LAMB1: variants seen among roughly 807,000 people sequenced by gnomAD.
The protein encoded by LAMB1 is laminin subunit beta-1.
In LAMB1, 121 loss-of-function variants were observed where a neutral mutation model predicts 222.3. The ratio of observed to expected loss-of-function variants is 0.54; its 90% CI spans 0.47 to 0.63. The LOEUF is 0.63. Ranked by LOEUF, LAMB1 falls within the 30% of genes least tolerant of loss-of-function variation. The pLI is 0.00. For synonymous variants in LAMB1, 794 were observed against 807.2 expected (o/e 0.98, Z 0.28); for missense variants, 2,172 against 2,240.8 (o/e 0.97, Z 0.62).
chr7:107,948,555 G>A (rs1041577719), intron 24 of LAMB1, among the ~76,000 whole-genome samples: 2 of 152,120 alleles, frequency 1.3e-5, no homozygotes, highest in East Asian at 1.9e-4. Context: ...ACTTTTTCTT[G>A]CTGGTGTGAG....
At chr7:107,924,186 G>A (rs2116300626) in intron 33 of LAMB1, 44 bp downstream of exon 33, 1 of 1,557,950 alleles carries the variant, frequency 6.4e-7, no homozygotes, top group Non-Finnish European at 8.6e-7. Flanking sequence ...AACTATGGAT[G>A]CCTTAAAGTA....
chr7:107,995,540 C>T (rs982018665), intron 4 of LAMB1, among the ~76,000 whole-genome samples: 1 of 152,198 alleles, frequency 6.6e-6, no homozygotes, highest in Non-Finnish European at 1.5e-5. Context: ...TGAAAAACAA[C>T]GCCAGAGAAA....
intron 25 of LAMB1, among the ~76,000 whole-genome samples, chr7:107,937,610 G>C (rs1203057027): frequency 6.6e-6 from 1 of 152,136 alleles, no homozygotes; most frequent in East Asian, 1.9e-4. Context: ...GCAGCTTCAA[G>C]CCCTTACAAT....
chr7:107,959,799 C>G lies in LAMB1; in HGVS notation c.2350G>C (p.Val784Leu). ...ECDPQGSLSS[V>L]CDPNGGQCQC... is the part of the protein sequence containing the mutation. ...CACTGGCCTCCGTTGGGATCACACA[C>G]GGAACTTAACGAACCCTGAGGGTCG... Residue 784 changes from valine (V) to leucine (L), a missense_variant, in exon 19 of 34, where the codon GTG (valine) becomes CTG (leucine). Transcript: ENST00000222399. 6.2e-7 allele frequency: 1 copy of G among 1,613,806 alleles called. No homozygotes were observed. Among genetic ancestry groups the G allele is most frequent in the Non-Finnish European group, 8.5e-7 (1 of 1,179,906 alleles).
At chr7:107,976,181 G>A (rs752983610) in intron 9 of LAMB1, among the ~76,000 whole-genome samples, 4 of 152,248 alleles carry the variant, frequency 2.6e-5, no homozygotes, top group Admixed American at 1.3e-4. Flanking sequence ...GTATGACAGA[G>A]GATGGCTGCC....
chr7:107,924,535 A>G lies in LAMB1; in HGVS notation c.5065-146T>C, dbSNP rs540601075. On this transcript the variant is annotated intron_variant, in intron 32 of 33. Coordinates refer to ENST00000222399, the MANE Select transcript of LAMB1 (RefSeq NM_002291.3). ...TAAGTAATTTAAAATTTTATCTTCAAACAGTGGAATTGAATGCAAAATTGA... is the reference window on the plus strand; with the variant it reads ...TAAGTAATTTAAAATTTTATCTTCAGACAGTGGAATTGAATGCAAAATTGA... The G allele has an allele frequency of 1.6e-4, 98 of 597,622 alleles. 1 individual carries two copies. Among genetic ancestry groups the G allele is most frequent in the Non-Finnish European group, 2.4e-4 (92 of 376,338 alleles). 37.0% of individuals were successfully genotyped at this position (597,622 alleles called of 1,614,324 possible).
intron 25 of LAMB1, among the ~76,000 whole-genome samples, chr7:107,939,179 G>C (rs368635195): frequency 6.6e-6 from 1 of 152,132 alleles, no homozygotes; most frequent in Non-Finnish European, 1.5e-5. Context: ...TTAGCACTTA[G>C]GTCTTATTGT....
Position 107,975,369 on chromosome 7 carries a change from C to T in LAMB1, c.1234G>A (p.Asp412Asn). The T allele has an allele frequency of 6.2e-7, 1 of 1,613,392 alleles. No individual in the cohort carries two copies. The highest frequency in any genetic ancestry group is 8.5e-7 in the Non-Finnish European group (1 of 1,179,836). Residue 412 changes from aspartate to asparagine, a missense_variant, in exon 11 of 34, where the codon GAC becomes AAC. Physicochemically the swap from Asp to Asn is conservative, Grantham distance 23 (BLOSUM62 1). Transcript: ENST00000222399. ...PAGSQNEGIC[D>N]SYTDFSTGLI... ...CCAGTAGAAAAATCAGTATAGCTGT[C>T]ACAAATTCCCTCATTTTGAGAGCCA...
chr7:107,940,349 C>T lies in LAMB1; in HGVS notation c.3401G>A (p.Cys1134Tyr), dbSNP rs772074967. The T allele has an allele frequency of 6.8e-6, 11 of 1,613,064 alleles. No homozygotes were observed. In the Admixed American group the frequency reaches 1.2e-4, roughly 17 times the overall value. Residue 1134 changes from cysteine (C) to tyrosine (Y), a missense_variant, in exon 25 of 34, where the codon TGT becomes TAT. Cys to Tyr is a radical substitution (Grantham distance 194). Coordinates refer to ENST00000222399, the MANE Select transcript of LAMB1 (RefSeq NM_002291.3). Reference sequence around the variant, plus strand: ...TGGCGTCTCAATGCCCCTGGGGTCACAGTCACAGGCTAGAAGGGAATAAGC... The same window carrying T: ...TGGCGTCTCAATGCCCCTGGGGTCATAGTCACAGGCTAGAAGGGAATAAGC... ...DPDVECRACD[C>Y]DPRGIETPQC...
At chr7:107,936,994 ATTAGAAAACTT>A in intron 26 of LAMB1, 88 bp downstream of exon 26, 1 of 1,015,598 alleles carries the variant, frequency 9.8e-7, no homozygotes, top group Non-Finnish European at 1.4e-6. Flanking sequence ...TTTAAAATTT[ATTAGAAAACTT>A]TTTTTTTTCC....
intron 4 of LAMB1, among the ~76,000 whole-genome samples, chr7:107,996,353 GTGT>G (rs1390018556): frequency 2.0e-5 from 3 of 152,210 alleles, no homozygotes; most frequent in South Asian, 4.1e-4. Context: ...TTCTTCTATA[GTGT>G]ATTTGATTTC....
At chr7:107,980,901 G>A in intron 7 of LAMB1, 90 bp from the exon 8 acceptor site, 2 of 730,996 alleles carry the variant, frequency 2.7e-6, no homozygotes, top group Non-Finnish European at 4.6e-6. Flanking sequence ...TTAGAGAAAG[G>A]CATGACACAT....
At chr7:107,963,818 G>A (rs558081876) in intron 14 of LAMB1, among the ~76,000 whole-genome samples, 67 of 152,306 alleles carry the variant, frequency 4.4e-4, no homozygotes, top group African/African-American at 1.4e-3. Flanking sequence ...TCTCACTATC[G>A]CCAGGCACAG....
intron 27 of LAMB1, among the ~76,000 whole-genome samples, chr7:107,933,650 C>A (rs1233231281): frequency 2.0e-5 from 3 of 150,860 alleles, no homozygotes; most frequent in African/African-American, 7.3e-5. Flanking sequence ...CACAAAGATA[C>A]AGAACTAGAA....
At chr7:107,993,160 G>T (rs1013994302) in intron 5 of LAMB1, among the ~76,000 whole-genome samples, 2 of 152,130 alleles carry the variant, frequency 1.3e-5, no homozygotes, top group Admixed American at 6.5e-5. Flanking sequence ...TCGAGACAGG[G>T]TCTCACCCTG....
At chr7:107,924,431 T>C in intron 32 of LAMB1, 42 bp from the exon 33 acceptor site, 1 of 1,486,566 alleles carries the variant, frequency 6.7e-7, no homozygotes, top group South Asian at 1.2e-5. Flanking sequence ...GTAATGTTAG[T>C]GTCAGTAATT....
At chr7:107,970,474 G>C (rs1176975594) in intron 13 of LAMB1, among the ~76,000 whole-genome samples, 1 of 104,154 alleles carries the variant, frequency 9.6e-6, no homozygotes. Context: ...AGGTGACAAA[G>C]CGAAACTCTG....
At position 107,940,215 on chromosome 7, in the gene LAMB1, AG is replaced by A; in HGVS notation, c.3534del (p.Cys1179AlafsTer10). 1 of 1,614,210 alleles carries A rather than the reference AG, an allele frequency of 6.2e-7. No individual in the cohort carries two copies. The highest frequency in any genetic ancestry group is 8.5e-7 in the Non-Finnish European group (1 of 1,180,038). ...TCCCAGAGAGCAAAGCACTGGTGGC[AG>A]GGTGTGCAGTCAGGGAAGACCCCCG... The part of the protein sequence containing the change: ...GYSGVFPDCT[P>X]CHQCFALWDV... On this transcript the variant is annotated frameshift_variant, in exon 25 of 34. Transcript: ENST00000222399. LOFTEE classifies it high-confidence loss of function.
chr7:108,001,478 C>A (rs528187593), intron 3 of LAMB1, 80 bp downstream of exon 3: 4 of 1,406,332 alleles, frequency 2.8e-6, no homozygotes, highest in East Asian at 5.0e-5. Flanking sequence ...TGGAAGGATG[C>A]GGAGTCCCCA....
Sources: gnomAD v4.1 joint callset for allele counts (sites outside exome capture counted in the v4.1 genomes callset) on GRCh38, gnomAD v4.1.1 for gene constraint, MANE v1.5 for transcripts, NCBI Gene and HGNC (gene_info 2026-07-23, HGNC 2026-07-21) for gene names.